The following ADAMTSL1 variants were observed in gnomAD, a reference collection of about 807,000 sequenced individuals.
ADAMTSL1 encodes the protein ADAMTS like 1.
Under a neutral mutation model 201.8 loss-of-function variants are expected in ADAMTSL1, and 126 were observed. That is an observed-to-expected ratio of 0.62 (90% CI 0.54 to 0.72). The LOEUF is 0.72. ADAMTSL1 is among the 30% of genes least tolerant of loss of function. ADAMTSL1 has a pLI of 0.00. For synonymous variants in ADAMTSL1, 1,121 were observed against 903.4 expected (o/e 1.24, Z -4.32); for missense variants, 2,679 against 2,277.8 (o/e 1.18, Z -3.59).
chr9:18,664,030 A>G (rs1395921826), intron 9 of ADAMTSL1, among the ~76,000 whole-genome samples: 1 of 152,106 alleles, frequency 6.6e-6, no homozygotes, highest in Admixed American at 6.6e-5. Flanking sequence ...AAAAAGAAAG[A>G]CACAAAGAAA....
chr9:18,644,798 T>C (rs550726424), intron 7 of ADAMTSL1, among the ~76,000 whole-genome samples: 1 of 152,232 alleles, frequency 6.6e-6, no homozygotes, highest in Non-Finnish European at 1.5e-5. Flanking sequence ...TGTTGGACAT[T>C]TGGGTTAGTT....
chr9:18,083,244 A>T (rs1823593419), intron 1 of ADAMTSL1, among the ~76,000 whole-genome samples: 1 of 152,196 alleles, frequency 6.6e-6, no homozygotes. Context: ...AAGTATTGGA[A>T]AGATGATGGT....
chr9:18,573,177 C>T (rs1822451431), intron 3 of ADAMTSL1: 2 of 152,790 alleles, frequency 1.3e-5, no homozygotes, highest in South Asian at 4.1e-4. Flanking sequence ...TCTCCTCATA[C>T]TCCATCCCTT....
intron 2 of ADAMTSL1, among the ~76,000 whole-genome samples, chr9:18,414,877 G>A (rs1400708149): frequency 1.3e-5 from 2 of 152,116 alleles, no homozygotes; most frequent in African/African-American, 2.4e-5. Flanking sequence ...GAGGAATACC[G>A]AGCACTCCCA....
chr9:18,584,729 C>A (rs1490323504), intron 4 of ADAMTSL1, among the ~76,000 whole-genome samples: 1 of 152,008 alleles, frequency 6.6e-6, no homozygotes, highest in Non-Finnish European at 1.5e-5. Flanking sequence ...GAGGAGATTG[C>A]CTTGTGAATC....
intron 19 of ADAMTSL1, among the ~76,000 whole-genome samples, chr9:18,785,712 A>G (rs1821671988): frequency 6.6e-6 from 1 of 152,210 alleles, no homozygotes; most frequent in African/African-American, 2.4e-5. Flanking sequence ...AACCTGGTAA[A>G]TTTTCCTTCT....
At chr9:18,145,746 T>G (rs779428129) in intron 1 of ADAMTSL1, among the ~76,000 whole-genome samples, 24 of 152,174 alleles carry the variant, frequency 1.6e-4, no homozygotes, top group Non-Finnish European at 2.8e-4. Flanking sequence ...AGAAAATTTA[T>G]AAGCTAAACA....
chr9:18,114,345 C>A (rs1825159625), intron 1 of ADAMTSL1, among the ~76,000 whole-genome samples: 1 of 152,134 alleles, frequency 6.6e-6, no homozygotes, highest in Non-Finnish European at 1.5e-5. Context: ...GGAATCAATT[C>A]TAGAAAATGA....
At chr9:18,280,540 C>T (rs1299178029) in intron 2 of ADAMTSL1, among the ~76,000 whole-genome samples, 2 of 152,114 alleles carry the variant, frequency 1.3e-5, no homozygotes, top group African/African-American at 2.4e-5. Context: ...TGGTGTGCCT[C>T]ACTATTTTGG....
At chr9:17,913,403 G>T (rs1292137981) in intron 1 of ADAMTSL1, among the ~76,000 whole-genome samples, 1 of 152,050 alleles carries the variant, frequency 6.6e-6, no homozygotes, top group African/African-American at 2.4e-5. Context: ...CCTTGAAGAG[G>T]TCCTTCACAT....
chr9:18,599,626 T>G (rs1753279151), intron 4 of ADAMTSL1, among the ~76,000 whole-genome samples: 1 of 152,106 alleles, frequency 6.6e-6, no homozygotes, highest in African/African-American at 2.4e-5. Flanking sequence ...AAAGTATCAT[T>G]TTTTAGTTTT....
chr9:18,548,648 T>C (rs1820615395), intron 3 of ADAMTSL1, among the ~76,000 whole-genome samples: 1 of 152,068 alleles, frequency 6.6e-6, no homozygotes, highest in African/African-American at 2.4e-5. Context: ...CAATGGTTCA[T>C]TATTTGCTAA....
intron 1 of ADAMTSL1, among the ~76,000 whole-genome samples, chr9:18,503,421 G>GTATGTATATATATATATATATATATA (rs1822947877): frequency 3.5e-5 from 4 of 115,288 alleles, no homozygotes; most frequent in African/African-American, 1.2e-4. Context: ...ATTCCATTGT[G>GTATGTATATATATATATATATATATA]TATATATATA....
chr9:18,867,513 AC>A (rs1827612056), intron 23 of ADAMTSL1, among the ~76,000 whole-genome samples: 1 of 151,830 alleles, frequency 6.6e-6, no homozygotes, highest in Non-Finnish European at 1.5e-5. Flanking sequence ...ATATAAGAGA[AC>A]CCCCATGCCC....
At chr9:18,908,287 G>C (rs1830423849) in intron 28 of ADAMTSL1, 155 bp from the exon 29 acceptor site, 1 of 673,656 alleles carries the variant, frequency 1.5e-6, no homozygotes, top group Admixed American at 2.1e-5. Flanking sequence ...GCTGAGCTCT[G>C]TCAAAGTTAG....
At chr9:18,778,088 C>G (rs1489112727) in intron 19 of ADAMTSL1, among the ~76,000 whole-genome samples, 182 bp downstream of exon 19, 2 of 152,248 alleles carry the variant, frequency 1.3e-5, no homozygotes, top group Non-Finnish European at 2.9e-5. Context: ...CAAAGACAAG[C>G]TATTTCATTT....
At chr9:18,544,381 A>T (rs916763188) in intron 3 of ADAMTSL1, among the ~76,000 whole-genome samples, 2 of 152,180 alleles carry the variant, frequency 1.3e-5, no homozygotes, top group African/African-American at 2.4e-5. Flanking sequence ...ACTCAAGGTG[A>T]TATAATAAAA....
intron 2 of ADAMTSL1, among the ~76,000 whole-genome samples, chr9:18,506,488 A>G (rs1004157731): frequency 6.6e-6 from 1 of 152,232 alleles, no homozygotes; most frequent in African/African-American, 2.4e-5. Context: ...AGCTTGAGGT[A>G]GGATCTTTTA....
intron 2 of ADAMTSL1, among the ~76,000 whole-genome samples, chr9:18,299,011 C>CAAAA (rs369246364): frequency 3.3e-4 from 46 of 138,304 alleles, no homozygotes; most frequent in Non-Finnish European, 4.2e-4. Flanking sequence ...GACTCCGTCT[C>CAAAA]AAAAAAAAAA....
Sources: allele counts gnomAD v4.1 joint callset (sites outside exome capture counted in the v4.1 genomes callset), GRCh38; gene constraint gnomAD v4.1.1; transcripts MANE v1.5; gene names NCBI Gene and HGNC (gene_info 2026-07-23, HGNC 2026-07-21).